The following MECOM variants were observed in gnomAD, a reference collection of about 807,000 sequenced individuals.
MECOM encodes histone-lysine N-methyltransferase MECOM.
MECOM carries 13 observed loss-of-function variants against 116.3 expected under a neutral mutation model. The ratio of observed to expected loss-of-function variants is 0.11; its 90% CI spans 0.07 to 0.18. The LOEUF (loss-of-function observed/expected upper bound fraction) is 0.18. MECOM is among the 10% of genes least tolerant of loss of function. The probability of loss-of-function intolerance (pLI) is 1.00; values close to 1 mark genes in which losing one functional copy is unlikely to be tolerated. For missense variants in MECOM, 1,299 were observed against 1,509.0 expected, an observed-to-expected ratio of 0.86 and a Z score of 2.31; for synonymous variants, 528 against 535.2, an observed-to-expected ratio of 0.99 and a Z score of 0.19.
At chr3:169,104,353 T>G (rs770989739) in intron 10 of MECOM, among the ~76,000 whole-genome samples, 4 of 152,218 alleles carry the variant, frequency 2.6e-5, no homozygotes, top group African/African-American at 9.6e-5. Context: ...ATGATACTCT[T>G]GTATTTGCAT....
At chr3:169,443,548 C>T (rs1407759097) in intron 1 of MECOM, among the ~76,000 whole-genome samples, 1 of 152,204 alleles carries the variant, frequency 6.6e-6, no homozygotes, top group African/African-American at 2.4e-5. Context: ...TCTATCTGCC[C>T]TCAAATAGTT....
intron 1 of MECOM, among the ~76,000 whole-genome samples, chr3:169,405,905 T>C (rs940610604): frequency 3.3e-5 from 5 of 152,194 alleles, no homozygotes; most frequent in Non-Finnish European, 4.4e-5. Context: ...GGGTTGAAGC[T>C]GGGTTTACAG....
intron 1 of MECOM, among the ~76,000 whole-genome samples, chr3:169,479,227 G>GTGA (rs1322638206): frequency 6.6e-6 from 1 of 151,854 alleles, no homozygotes; most frequent in African/African-American, 2.4e-5. Context: ...GACACTTAAG[G>GTGA]TGAGATATAA....
intron 2 of MECOM, among the ~76,000 whole-genome samples, chr3:169,299,144 T>G (rs898341515): frequency 1.3e-5 from 2 of 152,140 alleles, no homozygotes; most frequent in African/African-American, 4.8e-5. Flanking sequence ...TAGTTCTCAC[T>G]AGGAATTGCC....
chr3:169,165,866 G>A (rs1743513230), intron 2 of MECOM, among the ~76,000 whole-genome samples: 1 of 152,098 alleles, frequency 6.6e-6, no homozygotes, highest in African/African-American at 2.4e-5. Flanking sequence ...TTTAAAAAAT[G>A]TTTAGATAGC....
At chr3:169,662,625 G>A (rs1776446759) in intron 1 of MECOM, among the ~76,000 whole-genome samples, 1 of 30,960 alleles carries the variant, frequency 3.2e-5, no homozygotes, top group African/African-American at 1.3e-4. Context: ...CCTACTCCCC[G>A]CCGCAGTCCT....
At chr3:169,109,417 CTTT>C (rs3980922) in intron 9 of MECOM, among the ~76,000 whole-genome samples, 6 of 141,624 alleles carry the variant, frequency 4.2e-5, no homozygotes, top group Non-Finnish European at 6.2e-5. Context: ...ATTCATGTAT[CTTT>C]TTTTTTTTTT....
chr3:169,612,835 C>T (rs768466883), intron 1 of MECOM, among the ~76,000 whole-genome samples: 2 of 152,110 alleles, frequency 1.3e-5, no homozygotes, highest in African/African-American at 4.8e-5. Flanking sequence ...GTCCTATACA[C>T]CTAAAGATTT....
At chr3:169,632,169 T>C (rs1441878920) in intron 1 of MECOM, among the ~76,000 whole-genome samples, 1 of 151,334 alleles carries the variant, frequency 6.6e-6, no homozygotes, top group Non-Finnish European at 1.5e-5. Flanking sequence ...CTTTCATTTA[T>C]TCAGAAGCAT....
At chr3:169,526,933 G>T (rs1377505164) in intron 1 of MECOM, among the ~76,000 whole-genome samples, 1 of 152,146 alleles carries the variant, frequency 6.6e-6, no homozygotes, top group East Asian at 1.9e-4. Flanking sequence ...TAAAGGAAAT[G>T]TTGGTGATCC....
In MECOM at chr3:169,410,510, A is replaced by T. The variant is rs530907187; in HGVS notation, c.38-28986T>A. Among the ~76,000 whole-genome samples the T allele has an allele frequency of 6.6e-5, 10 of 152,332 alleles. No individual in the cohort carries two copies. In the South Asian group the frequency reaches 1.9e-3, roughly 28 times the overall value. ...GACAATAAGAGAGGCCTATGACAAT[A>T]TCTCAACTTTTCCCCCTGGAGACTG... On this transcript the variant is annotated intron_variant, in intron 1 of 16. Transcript: ENST00000651503.
chr3:169,614,413 T>G (rs1198438843), intron 1 of MECOM, among the ~76,000 whole-genome samples: 1 of 152,092 alleles, frequency 6.6e-6, no homozygotes, highest in East Asian at 1.9e-4. Context: ...TCAATAAAAA[T>G]GATATAAACA....
chr3:169,404,252 C>T (rs542636416), intron 1 of MECOM, among the ~76,000 whole-genome samples: 1 of 152,082 alleles, frequency 6.6e-6, no homozygotes, highest in South Asian at 2.1e-4. Flanking sequence ...AATATATAAA[C>T]TGGAGTTTTT....
intron 2 of MECOM, among the ~76,000 whole-genome samples, chr3:169,176,870 C>T (rs1373089436): frequency 6.6e-6 from 1 of 152,096 alleles, no homozygotes; most frequent in Non-Finnish European, 1.5e-5. Context: ...AAAAAAAGCT[C>T]AACATCACTG....
At chr3:169,336,273 G>T (rs1425341628) in intron 2 of MECOM, among the ~76,000 whole-genome samples, 1 of 151,792 alleles carries the variant, frequency 6.6e-6, no homozygotes, top group African/African-American at 2.4e-5. Context: ...GCTTCTGGGG[G>T]GCCAAATGAA....
At position 169,353,552 on chromosome 3, in the gene MECOM, G is replaced by A. The variant is rs140372080; in HGVS notation, c.375+27635C>T. ...GCTACTCCAAGTTAACCCTAAATAA[G>A]TAATGTAAATAGCTAAGTAAAATTC... On this transcript the variant is annotated intron_variant, in intron 2 of 16. Coordinates refer to ENST00000651503, the MANE Select transcript of MECOM (RefSeq NM_004991.4). Among the ~76,000 whole-genome samples the A allele has an allele frequency of 2.1e-3, 317 of 151,772 alleles. No individual in the cohort carries two copies. The Middle Eastern group carries it at 0.024, about 11-fold the overall frequency.
chr3:169,653,400 T>C (rs1370470270), intron 1 of MECOM, among the ~76,000 whole-genome samples: 2 of 152,176 alleles, frequency 1.3e-5, no homozygotes, highest in Non-Finnish European at 2.9e-5. Flanking sequence ...AAGCAATTTA[T>C]AATAAAATGC....
intron 3 of MECOM, among the ~76,000 whole-genome samples, chr3:169,135,733 ATTTTTC>A: frequency 6.6e-6 from 1 of 151,776 alleles, no homozygotes; most frequent in African/African-American, 2.4e-5. Context: ...GACTCTTTTT[ATTTTTC>A]TATGAAGCAA....
chr3:169,556,240 C>T (rs1762014210), intron 1 of MECOM, among the ~76,000 whole-genome samples: 1 of 151,936 alleles, frequency 6.6e-6, no homozygotes, highest in African/African-American at 2.4e-5. Flanking sequence ...CTGAAGCCAG[C>T]ACCTTAATCT....
Sources: allele counts gnomAD v4.1 joint callset (sites outside exome capture counted in the v4.1 genomes callset), GRCh38; gene constraint gnomAD v4.1.1; transcripts MANE v1.5; gene names NCBI Gene and HGNC (gene_info 2026-07-23, HGNC 2026-07-21).